The following INSM2 variants were observed in gnomAD, a reference collection of about 807,000 sequenced individuals.
The protein encoded by INSM2 is INSM transcriptional repressor 2, also known as insulinoma-associated protein 2.
Under a neutral mutation model 30.5 loss-of-function variants are expected in INSM2, and 12 were observed. The ratio of observed to expected loss-of-function variants is 0.39; its 90% confidence interval spans 0.25 to 0.64. The LOEUF (loss-of-function observed/expected upper bound fraction) is 0.64. Among genes scored for constraint, INSM2 ranks in the 30% least tolerant of loss-of-function variants. The probability of loss-of-function intolerance (pLI) is 0.47; values close to 1 mark genes in which losing one functional copy is unlikely to be tolerated. For missense variants in INSM2, 773 were observed against 819.2 expected (o/e 0.94, Z 0.69); for synonymous variants, 418 against 383.7 (o/e 1.09, Z -1.05).
At position 35,536,020 on chromosome 14, in the gene INSM2, G is replaced by C; in HGVS notation, c.*67G>C. ...AAACAGATCATGGGAATTTCTGTGG[G>C]GCTTTCTTCAACTTGCAAGTTTACT... On this transcript the variant is annotated 3_prime_UTR_variant, in exon 1 of 1. Transcript: ENST00000307169. The C allele has an allele frequency of 6.6e-7, 1 of 1,505,072 alleles. No homozygotes were observed. Among genetic ancestry groups the C allele is most frequent in the South Asian group, 1.3e-5 (1 of 74,740 alleles). 93.2% of individuals were successfully genotyped at this position (1,505,072 alleles called of 1,614,324 possible).
chr14:35,534,721 G>A lies in INSM2; in HGVS notation c.469G>A (p.Ala157Thr). Residue 157 changes from alanine (A) to threonine (T), a missense_variant, in exon 1 of 1, where the codon GCA becomes ACA. Ala to Thr is a moderately conservative substitution (Grantham distance 58). Transcript: ENST00000307169. ...AFSCSVAPAA[A>T]PTPGEQFLLP... is the part of the protein sequence containing the mutation. ...CTCCTGCTCCGTGGCGCCAGCAGCC[G>A]CACCGACCCCGGGGGAGCAGTTTCT... 7.2e-7 allele frequency: 1 copy of A among 1,391,724 alleles called. No individual in the cohort carries two copies. Among genetic ancestry groups the A allele is most frequent in the Admixed American group, 3.6e-5 (1 of 27,690 alleles). The allele number at this position is 1,391,724 out of a possible 1,614,324, so 86.2% of individuals were successfully genotyped here.
At position 35,534,875 on chromosome 14, in the gene INSM2, C is replaced by T. The variant is rs1340927330; in HGVS notation, c.623C>T (p.Ala208Val). Residue 208 changes from alanine (A) to valine (V), a missense_variant, in exon 1 of 1, where the codon GCG becomes GTG. Transcript: ENST00000307169. ...ERRGKAPTDC[A>V]SGPAAAGIKK... ...CGCGGCAAGGCACCCACGGACTGCG[C>T]GTCTGGACCCGCGGCCGCGGGAATC... The T allele has an allele frequency of 1.3e-6, 2 of 1,585,844 alleles. No individual in the cohort carries two copies. The highest frequency in any genetic ancestry group is 2.3e-5 in the South Asian group (2 of 87,836).
Position 35,534,892 on chromosome 14 carries a change from G to A in INSM2, c.640G>A (p.Ala214Thr), listed in dbSNP as rs1201036496. Residue 214 changes from alanine to threonine, a missense_variant, in exon 1 of 1, where the codon GCG (alanine) becomes ACG (threonine). Physicochemically the swap from Ala to Thr is moderately conservative, Grantham distance 58 (BLOSUM62 0). Coordinates refer to ENST00000307169, the MANE Select transcript of INSM2 (RefSeq NM_032594.4). ...PTDCASGPAAAGIKKPKAMRK... is the reference protein window; with the variant it reads ...PTDCASGPAATGIKKPKAMRK... ...GGACTGCGCGTCTGGACCCGCGGCC[G>A]CGGGAATCAAGAAGCCAAAGGCCAT... 1.9e-6 allele frequency: 3 copies of A among 1,589,426 alleles called. No individual in the cohort carries two copies. Among genetic ancestry groups the A allele is most frequent in the Non-Finnish European group, 1.7e-6 (2 of 1,171,404 alleles).
Position 35,534,619 on chromosome 14 carries a change from G to T in INSM2, c.367G>T (p.Ala123Ser). 1 of 1,448,880 alleles carries T rather than the reference G, an allele frequency of 6.9e-7. No homozygotes were observed. The highest frequency in any genetic ancestry group is 9.0e-7 in the Non-Finnish European group (1 of 1,111,954). 89.8% of individuals were successfully genotyped at this position (1,448,880 alleles called of 1,614,324 possible). The change falls in exon 1 of 1, where the codon GCG becomes TCG. Residue 123 changes from alanine to serine, a missense_variant. By Grantham distance (99) the Ala-to-Ser change is moderately conservative (BLOSUM62 1). Coordinates refer to ENST00000307169, the MANE Select transcript of INSM2 (RefSeq NM_032594.4). ...GCCGGCAGGCGCAGAGCTGCGTCGGGCGTTCCTGGAGCGCTGCCTCAGCTC... is the reference window on the plus strand; with the variant it reads ...GCCGGCAGGCGCAGAGCTGCGTCGGTCGTTCCTGGAGCGCTGCCTCAGCTC... ...AKPAGAELRRAFLERCLSSPV... is the reference protein window; with the variant it reads ...AKPAGAELRRSFLERCLSSPV...
At position 35,534,294 on chromosome 14, in the gene INSM2, C is replaced by A. The variant is rs1026451359; in HGVS notation, c.42C>A (p.Gly14=). 2.5e-6 allele frequency: 4 copies of A among 1,594,754 alleles called. No individual in the cohort carries two copies. The highest frequency in any genetic ancestry group is 1.4e-5 in the African/African-American group (1 of 71,870). ...TGGTGAAGCGAACTAAACGGACAGG[C>A]GGCTTGTACCGAGTTCGCCTTGCGG... is the stretch of plus-strand genomic sequence containing the variant. The part of the protein sequence containing the change: ...GFLVKRTKRT[G]GLYRVRLAER... The change falls in exon 1 of 1, where the codon GGC becomes GGA. Residue 14 remains glycine (G), a synonymous_variant. Transcript: ENST00000307169.
chr14:35,535,225 G>A lies in INSM2; in HGVS notation c.973G>A (p.Val325Ile). ...TCCTGCGGCTGCAAACGCCGCCACAGTCTCCTCCGCCGACGGGAAGCCGCC... is the reference window on the plus strand; with the variant it reads ...TCCTGCGGCTGCAAACGCCGCCACAATCTCCTCCGCCGACGGGAAGCCGCC... The part of the protein sequence containing the change: ...PRPAAANAAT[V>I]SSADGKPPSS... The change falls in exon 1 of 1, where the codon GTC becomes ATC. Residue 325 changes from valine (V) to isoleucine (I), a missense_variant. By Grantham distance (29) the Val-to-Ile change is conservative (BLOSUM62 3). Transcript: ENST00000307169. 5.0e-6 allele frequency: 8 copies of A among 1,613,442 alleles called. No individual in the cohort carries two copies. Among genetic ancestry groups the A allele is most frequent in the Non-Finnish European group, 6.8e-6 (8 of 1,179,952 alleles).
Position 35,536,115 on chromosome 14 carries a change from A to G in INSM2, c.*162A>G. On this transcript the variant is annotated 3_prime_UTR_variant, in exon 1 of 1. Coordinates refer to ENST00000307169, the MANE Select transcript of INSM2 (RefSeq NM_032594.4). The stretch of plus-strand genomic sequence containing the variant: ...TCAATGTTCCACCAGAGGAGCGGAC[A>G]GTGAAATGTAATATCCCTCTCTAGA... 9.9e-6 allele frequency: 8 copies of G among 812,054 alleles called. No homozygotes were observed. Among genetic ancestry groups the G allele is most frequent in the Non-Finnish European group, 1.4e-5 (7 of 513,382 alleles). 50.3% of individuals were successfully genotyped at this position (812,054 alleles called of 1,614,324 possible).
At position 35,536,726 on chromosome 14, in the gene INSM2, C is replaced by A. The variant is rs1225227200; in HGVS notation, c.*773C>A. 1 of 167,030 alleles carries A rather than the reference C, an allele frequency of 6.0e-6. No individual in the cohort carries two copies. 10.3% of individuals were successfully genotyped at this position (167,030 alleles called of 1,614,324 possible). On this transcript the variant is annotated 3_prime_UTR_variant, in exon 1 of 1. Transcript: ENST00000307169. ...CTTTTTGGAAATACAGAAGTCGTTT[C>A]CTCAAGTTTGACTGTTTTAATGGGG...
chr14:35,534,833 C>A lies in INSM2; in HGVS notation c.581C>A (p.Ala194Glu), dbSNP rs751553826. The change falls in exon 1 of 1, where the codon GCG becomes GAG. Residue 194 changes from alanine (A) to glutamate (E), a missense_variant. Physicochemically the swap from Ala to Glu is moderately radical, Grantham distance 107 (BLOSUM62 -1). Coordinates refer to ENST00000307169, the MANE Select transcript of INSM2 (RefSeq NM_032594.4). ...LSAALQSLKR[A>E]AGGERRGKAP... ...GCCGCCCTTCAGAGTCTGAAGCGGGCGGCCGGCGGCGAGCGCCGCGGCAAG... is the reference window on the plus strand; with the variant it reads ...GCCGCCCTTCAGAGTCTGAAGCGGGAGGCCGGCGGCGAGCGCCGCGGCAAG... 4.6e-5 allele frequency: 69 copies of A among 1,512,616 alleles called. No homozygotes were observed. Among genetic ancestry groups the A allele is most frequent in the East Asian group, 7.7e-5 (3 of 38,986 alleles). The allele number at this position is 1,512,616 out of a possible 1,614,324, so 93.7% of individuals were successfully genotyped here.
Position 35,534,723 on chromosome 14 carries a change from A to T in INSM2, c.471A>T (p.Ala157=). Residue 157 remains alanine (A), a synonymous_variant, in exon 1 of 1, where the codon GCA becomes GCT. Transcript: ENST00000307169. ...CCTGCTCCGTGGCGCCAGCAGCCGC[A>T]CCGACCCCGGGGGAGCAGTTTCTGC... ...AFSCSVAPAA[A]PTPGEQFLLP... 7.2e-7 allele frequency: 1 copy of T among 1,391,458 alleles called. No individual in the cohort carries two copies. Among genetic ancestry groups the T allele is most frequent in the Admixed American group, 3.6e-5 (1 of 27,478 alleles). The allele number at this position is 1,391,458 out of a possible 1,614,324, so 86.2% of individuals were successfully genotyped here. A position where few individuals can be genotyped will look rare whatever the true frequency, so the allele number is the denominator to read the frequency against.
At position 35,535,542 on chromosome 14, in the gene INSM2, T is replaced by C. The variant is rs1050361282; in HGVS notation, c.1290T>C (p.Tyr430=). 31 of 1,613,182 alleles carry C rather than the reference T, an allele frequency of 1.9e-5. No homozygotes were observed. Among genetic ancestry groups the C allele is most frequent in the Non-Finnish European group, 2.5e-5 (30 of 1,179,980 alleles). ...GATCCGAGATTTTCGTGTGCCCATATTGCCACAAAAAGTTTCGTCGCCAAG... is the reference window on the plus strand; with the variant it reads ...GATCCGAGATTTTCGTGTGCCCATACTGCCACAAAAAGTTTCGTCGCCAAG... ...GRGSEIFVCP[Y]CHKKFRRQAY... Residue 430 remains tyrosine, a synonymous_variant, in exon 1 of 1, where the codon TAT becomes TAC. Coordinates refer to ENST00000307169, the MANE Select transcript of INSM2 (RefSeq NM_032594.4).
rs1485590972 is a variant in INSM2, at chr14:35,536,576, A to T, written c.*623A>T. On this transcript the variant is annotated 3_prime_UTR_variant, in exon 1 of 1. Transcript: ENST00000307169. ...AATTATATGTACATGTCCATTCTTAAGTTGGTGTTTGGAGGTGGGGAGGAT... is the reference window on the plus strand; with the variant it reads ...AATTATATGTACATGTCCATTCTTATGTTGGTGTTTGGAGGTGGGGAGGAT... The T allele has an allele frequency of 6.0e-6, 1 of 167,040 alleles. No homozygotes were observed. Among genetic ancestry groups the T allele is most frequent in the East Asian group, 1.9e-4 (1 of 5,202 alleles). The allele number at this position is 167,040 out of a possible 1,614,324, so 10.3% of individuals were successfully genotyped here.
chr14:35,535,765 G>T lies in INSM2; in HGVS notation c.1513G>T (p.Gly505Trp), dbSNP rs762951462. The T allele has an allele frequency of 6.2e-7, 1 of 1,613,352 alleles. No individual in the cohort carries two copies. ...GGAGCTGCTCCTGCCCGCTCTGGCG[G>T]GGGCTCCTCCCGAAACGTCGGGCCC... ...REELLLPALA[G>W]APPETSGPSG... The change falls in exon 1 of 1, where the codon GGG becomes TGG. Residue 505 changes from glycine to tryptophan, a missense_variant. Coordinates refer to ENST00000307169, the MANE Select transcript of INSM2 (RefSeq NM_032594.4).
chr14:35,536,163 C>A lies in INSM2; in HGVS notation c.*210C>A. 1 of 540,916 alleles carries A rather than the reference C, an allele frequency of 1.8e-6. No homozygotes were observed. 33.5% of individuals were successfully genotyped at this position (540,916 alleles called of 1,614,324 possible). ...AGAGCAGGTATGTATATGGTATAAACCTTGAGATCAAAGACTGTCAGCTTT... is the reference window on the plus strand; with the variant it reads ...AGAGCAGGTATGTATATGGTATAAAACTTGAGATCAAAGACTGTCAGCTTT... On this transcript the variant is annotated 3_prime_UTR_variant, in exon 1 of 1. Coordinates refer to ENST00000307169, the MANE Select transcript of INSM2 (RefSeq NM_032594.4).
In INSM2 at chr14:35,536,159, T is replaced by C; in HGVS notation, c.*206T>C. 1 of 558,232 alleles carries C rather than the reference T, an allele frequency of 1.8e-6. No individual in the cohort carries two copies. The highest frequency in any genetic ancestry group is 3.1e-5 in the South Asian group (1 of 32,338). 34.6% of individuals were successfully genotyped at this position (558,232 alleles called of 1,614,324 possible). On this transcript the variant is annotated 3_prime_UTR_variant, in exon 1 of 1. Coordinates refer to ENST00000307169, the MANE Select transcript of INSM2 (RefSeq NM_032594.4). The stretch of plus-strand genomic sequence containing the variant: ...CTCTAGAGCAGGTATGTATATGGTA[T>C]AAACCTTGAGATCAAAGACTGTCAG...
In INSM2 at chr14:35,534,474, G is replaced by A. The variant is rs2053579368; in HGVS notation, c.222G>A (p.Gly74=). 6.2e-6 allele frequency: 9 copies of A among 1,447,474 alleles called. No individual in the cohort carries two copies. Among genetic ancestry groups the A allele is most frequent in the Non-Finnish European group, 8.1e-6 (9 of 1,105,694 alleles). 89.7% of individuals were successfully genotyped at this position (1,447,474 alleles called of 1,614,324 possible). The part of the protein sequence containing the change: ...LTAEAAREQS[G]SPCRAAGVSP... ...CGGAGGCGGCCCGGGAACAGTCGGGGTCGCCATGTCGGGCGGCTGGGGTGA... is the reference window on the plus strand; with the variant it reads ...CGGAGGCGGCCCGGGAACAGTCGGGATCGCCATGTCGGGCGGCTGGGGTGA... Residue 74 remains glycine (G), a synonymous_variant, in exon 1 of 1, where the codon GGG becomes GGA. Transcript: ENST00000307169.
In INSM2 at chr14:35,534,897, A is replaced by G. The variant is rs2138912824; in HGVS notation, c.645A>G (p.Gly215=). 6.3e-7 allele frequency: 1 copy of G among 1,590,660 alleles called. No homozygotes were observed. Among genetic ancestry groups the G allele is most frequent in the Non-Finnish European group, 8.5e-7 (1 of 1,171,880 alleles). The part of the protein sequence containing the change: ...TDCASGPAAA[G]IKKPKAMRKL... ...GCGCGTCTGGACCCGCGGCCGCGGG[A>G]ATCAAGAAGCCAAAGGCCATGAGGA... The change falls in exon 1 of 1, where the codon GGA becomes GGG. Residue 215 remains glycine, a synonymous_variant. Transcript: ENST00000307169.
Position 35,535,035 on chromosome 14 carries a change from G to A in INSM2, c.783G>A (p.Gly261=). 7 of 1,587,106 alleles carry A rather than the reference G, an allele frequency of 4.4e-6. No individual in the cohort carries two copies. Among genetic ancestry groups the A allele is most frequent in the East Asian group, 2.2e-5 (1 of 44,520 alleles). Reference sequence around the variant, plus strand: ...TGGGGGGCAGCCGCACGCCACTGGGGGAGTTCATCTGCCAGCTGTGCAAGG... The same window carrying A: ...TGGGGGGCAGCCGCACGCCACTGGGAGAGTTCATCTGCCAGCTGTGCAAGG... The part of the protein sequence containing the change: ...RGLGGSRTPL[G]EFICQLCKEQ... Residue 261 remains glycine, a synonymous_variant, in exon 1 of 1, where the codon GGG becomes GGA. Coordinates refer to ENST00000307169, the MANE Select transcript of INSM2 (RefSeq NM_032594.4).
Position 35,534,731 on chromosome 14 carries a change from CG to C in INSM2, c.484del (p.Glu162SerfsTer30). On this transcript the variant is annotated frameshift_variant, in exon 1 of 1. Coordinates refer to ENST00000307169, the MANE Select transcript of INSM2 (RefSeq NM_032594.4). LOFTEE classifies it high-confidence loss of function. ...CSVAPAAAPT[P>X]GEQFLLPLRA... ...GTGGCGCCAGCAGCCGCACCGACCC[CG>C]GGGGAGCAGTTTCTGCTGCCGCTTC... The C allele has an allele frequency of 7.2e-7, 1 of 1,396,158 alleles. No individual in the cohort carries two copies. The highest frequency in any genetic ancestry group is 9.2e-7 in the Non-Finnish European group (1 of 1,082,402). The allele number at this position is 1,396,158 out of a possible 1,614,324, so 86.5% of individuals were successfully genotyped here.
Sources: gnomAD v4.1 joint callset for allele counts on GRCh38, gnomAD v4.1.1 for gene constraint, MANE v1.5 for transcripts, NCBI Gene and HGNC (gene_info 2026-07-23, HGNC 2026-07-21) for gene names.